CYP24A1: variants seen among roughly 807,000 people sequenced by gnomAD.
CYP24A1 encodes the protein 1,25-dihydroxyvitamin D(3) 24-hydroxylase, mitochondrial.
In CYP24A1, 68 loss-of-function variants were observed where a neutral mutation model predicts 62.4. The observed-to-expected ratio is 1.09, with a 90% confidence interval of 0.90 to 1.33. The LOEUF (loss-of-function observed/expected upper bound fraction) is 1.33, where lower values mean the gene tolerates loss of function less well. Among genes scored for constraint, CYP24A1 ranks in the 40% most tolerant of loss-of-function variants. The probability of loss-of-function intolerance (pLI) is 0.00; values close to 1 mark genes in which losing one functional copy is unlikely to be tolerated. For synonymous variants in CYP24A1, 267 were observed against 253.0 expected (o/e 1.06, Z -0.52); for missense variants, 787 against 653.0 (o/e 1.21, Z -2.24).
chr20:54,167,510 G>A (rs554350002), intron 4 of CYP24A1, among the ~76,000 whole-genome samples: 111 of 152,234 alleles, frequency 7.3e-4, no homozygotes, highest in Non-Finnish European at 1.1e-3. Context: ...GGTATCGCAC[G>A]CCTGCAATAC....
rs1160937173 is a variant in CYP24A1 at position 54,173,776 on chromosome 20, G to A, written c.-197C>T. On this transcript the variant is annotated 5_prime_UTR_variant, in exon 1 of 12. Coordinates refer to ENST00000216862, the MANE Select transcript of CYP24A1 (RefSeq NM_000782.5). The surrounding 1 kb of genome is among the most constrained non-coding windows in gnomAD (Gnocchi z 7.2). ...GAGGATGCTCGACGCTGCACCACGC[G>A]ACAGCCTCAGAGCATTGGTGCCTCC... The A allele has an allele frequency of 5.0e-6, 3 of 601,574 alleles. No homozygotes were observed. Among genetic ancestry groups the A allele is most frequent in the African/African-American group, 3.7e-5 (2 of 53,854 alleles). 37.3% of individuals were successfully genotyped at this position (601,574 alleles called of 1,614,324 possible).
chr20:54,160,370 C>T (rs900192154), intron 7 of CYP24A1, among the ~76,000 whole-genome samples: 12 of 152,212 alleles, frequency 7.9e-5, no homozygotes, highest in African/African-American at 2.9e-4. Context: ...ATTTTTTAGG[C>T]CGTACTTTGC....
chr20:54,157,022 T>A, intron 11 of CYP24A1, 147 bp downstream of exon 11: 1 of 611,306 alleles, frequency 1.6e-6, no homozygotes. Context: ...AAAAAGGAAG[T>A]AGAGAGTTTA....
chr20:54,169,523 C>G, intron 4 of CYP24A1, 69 bp downstream of exon 4: 1 of 1,610,350 alleles, frequency 6.2e-7, no homozygotes, highest in Non-Finnish European at 8.5e-7. Flanking sequence ...AAAGAGTTGT[C>G]AAAAGAGCCA....
intron 4 of CYP24A1, among the ~76,000 whole-genome samples, chr20:54,166,984 G>A (rs2092674554): frequency 1.3e-5 from 2 of 151,846 alleles, no homozygotes; most frequent in Admixed American, 6.6e-5. Context: ...GGTTGCAGTG[G>A]GCCGAGATCA....
the CYP24A1 span, among the ~76,000 whole-genome samples, chr20:54,148,399 C>CACACAT: frequency 6.6e-6 from 1 of 151,546 alleles, no homozygotes; most frequent in Non-Finnish European, 1.5e-5. Flanking sequence ...CACACACACA[C>CACACAT]ACACACACAC....
chr20:54,150,226 C>T (rs556241320), downstream of CYP24A1, among the ~76,000 whole-genome samples: 11 of 152,346 alleles, frequency 7.2e-5, no homozygotes, highest in East Asian at 2.1e-3. Context: ...GAAATTTTTA[C>T]TCTGGTTGAC....
At chr20:54,148,967 C>T (rs1047877253), downstream of CYP24A1, among the ~76,000 whole-genome samples, 1 of 152,142 alleles carries the variant, frequency 6.6e-6, no homozygotes, top group African/African-American at 2.4e-5. Context: ...AGTTTATATG[C>T]ATTTCTGTGA....
intron 11 of CYP24A1, 116 bp from the exon 12 acceptor site, chr20:54,154,877 G>T (rs1460134028): frequency 7.5e-6 from 1 of 133,498 alleles, no homozygotes; most frequent in Non-Finnish European, 1.5e-5. Flanking sequence ...TTGCTTTCCG[G>T]TAACGTAGAA....
chr20:54,162,707 C>A lies in CYP24A1; in HGVS notation c.990+10G>T. On this transcript the variant is annotated intron_variant, in intron 7 of 11. Transcript: ENST00000216862. ...TTCATTTAGCAAACTCAAATCCAGC[C>A]CACCCTTACCGTTTCCACCGCAGCC... The A allele has an allele frequency of 6.4e-7, 1 of 1,574,454 alleles. No homozygotes were observed. The highest frequency in any genetic ancestry group is 8.7e-7 in the Non-Finnish European group (1 of 1,144,336).
rs61730999 is a variant in CYP24A1, at chr20:54,157,197, G to T, written c.1527C>A (p.Ile509=). 6.2e-7 allele frequency: 1 copy of T among 1,602,340 alleles called. No individual in the cohort carries two copies. The highest frequency in any genetic ancestry group is 1.7e-5 in the Admixed American group (1 of 59,990). ...AGGCGTATTATCGCTGGCAAAACGC[G>T]ATGGGGAGTTCCCGGCTGGGCACCA... ...GTLVPSRELP[I]AFCQR is the part of the protein sequence containing the mutation. The change falls in exon 11 of 12, where the codon ATC becomes ATA. Residue 509 remains isoleucine (I), a synonymous_variant. Transcript: ENST00000216862.
chr20:54,162,037 T>G (rs1302365152), intron 7 of CYP24A1, among the ~76,000 whole-genome samples: 1 of 152,120 alleles, frequency 6.6e-6, no homozygotes, highest in African/African-American at 2.4e-5. Flanking sequence ...CAGGATTTGT[T>G]TGGGGTTGGT....
intron 4 of CYP24A1, among the ~76,000 whole-genome samples, chr20:54,168,696 A>C (rs6127121): frequency 0.51 from 75,854 of 148,100 alleles, 19,342 homozygotes; most frequent in African/African-American, 0.53. Flanking sequence ...TTTCTTCTTT[A>C]TTTCTTTTCT....
chr20:54,154,956 A>T (rs2092622005), intron 11 of CYP24A1, 195 bp from the exon 12 acceptor site: 1 of 67,612 alleles, frequency 1.5e-5, no homozygotes, highest in Non-Finnish European at 3.2e-5. Context: ...AAAAAAAAAA[A>T]AAAAAAAAAA....
At chr20:54,157,800 C>T (rs1362103602) in intron 9 of CYP24A1, among the ~76,000 whole-genome samples, 1 of 152,218 alleles carries the variant, frequency 6.6e-6, no homozygotes, top group Non-Finnish European at 1.5e-5. Context: ...CCACCCTGCG[C>T]AGCAGATTCT....
intron 2 of CYP24A1, among the ~76,000 whole-genome samples, chr20:54,172,349 C>T (rs964641310): frequency 6.6e-6 from 1 of 152,154 alleles, no homozygotes; most frequent in African/African-American, 2.4e-5. Context: ...ATGCTAACAA[C>T]TAAAAAGCAG....
rs751317591 is a variant in CYP24A1, at chr20:54,159,141, A to G, written c.991-18T>C. Reference sequence around the variant, plus strand: ...TTTGCTGTCTGCAAGCCAAATGGACATAAACTTGAGTTTTTGTAAATAACT... The same window carrying G: ...TTTGCTGTCTGCAAGCCAAATGGACGTAAACTTGAGTTTTTGTAAATAACT... On this transcript the variant is annotated intron_variant, in intron 7 of 11. Coordinates refer to ENST00000216862, the MANE Select transcript of CYP24A1 (RefSeq NM_000782.5). 6 of 1,607,114 alleles carry G rather than the reference A, an allele frequency of 3.7e-6. No homozygotes were observed. In the African/African-American group the frequency reaches 8.0e-5, roughly 21 times the overall value.
chr20:54,162,500 C>T, intron 7 of CYP24A1: 1 of 555,844 alleles, frequency 1.8e-6, no homozygotes, highest in East Asian at 3.0e-5. Context: ...TGCATGGAGG[C>T]ACCGTGGCGT....
chr20:54,171,610 C>T lies in CYP24A1; in HGVS notation c.510G>A (p.Gly170=), dbSNP rs569376598. ...TTTTGTTGTCCAGCTTCATCACTTC[C>T]CCTGGTTTCATTAGTTTCTTTTGAA... is the stretch of plus-strand genomic sequence containing the variant. ...SAFQKKLMKP[G]EVMKLDNKIN... is the part of the protein sequence containing the mutation. Residue 170 remains glycine (G), a synonymous_variant, in exon 3 of 12, where the codon GGG becomes GGA. Transcript: ENST00000216862. 6.2e-7 allele frequency: 1 copy of T among 1,613,964 alleles called. No homozygotes were observed. Among genetic ancestry groups the T allele is most frequent in the South Asian group, 1.1e-5 (1 of 91,070 alleles).
Sources: allele counts gnomAD v4.1 joint callset (sites outside exome capture counted in the v4.1 genomes callset), GRCh38; gene constraint gnomAD v4.1.1; non-coding constraint Gnocchi (gnomAD v3.1); transcripts MANE v1.5; gene names NCBI Gene and HGNC (gene_info 2026-07-23, HGNC 2026-07-21).